The following THSD7B variants were observed in gnomAD, a reference collection of about 807,000 sequenced individuals.
THSD7B encodes thrombospondin type 1 domain containing 7B, also known as thrombospondin type-1 domain-containing protein 7B.
THSD7B carries 138 observed loss-of-function variants against 213.6 expected under a neutral mutation model. That is an observed-to-expected ratio of 0.65 (90% CI 0.56 to 0.74). THSD7B has a LOEUF of 0.74. Ranked by LOEUF, THSD7B falls within the 30% of genes least tolerant of loss-of-function variation. The probability of loss-of-function intolerance (pLI) is 0.00; values close to 1 mark genes in which losing one functional copy is unlikely to be tolerated. For synonymous variants in THSD7B, 742 were observed against 687.0 expected (o/e 1.08, Z -1.25); for missense variants, 1,931 against 1,991.5 (o/e 0.97, Z 0.58).
chr2:137,564,280 GAAACGTACTTTATTC>G (rs1206976395), intron 16 of THSD7B, among the ~76,000 whole-genome samples: 1 of 152,132 alleles, frequency 6.6e-6, no homozygotes, highest in Non-Finnish European at 1.5e-5. Context: ...CAACATCTGT[GAAACGTACTTTATTC>G]ATTAAAATCA....
intron 3 of THSD7B, among the ~76,000 whole-genome samples, chr2:137,063,445 T>C (rs1296059154): frequency 1.3e-5 from 2 of 152,106 alleles, no homozygotes; most frequent in African/African-American, 4.8e-5. Context: ...ATGAGATATT[T>C]TGATACAAGC....
chr2:137,604,250 A>T (rs1411546506), intron 17 of THSD7B, among the ~76,000 whole-genome samples: 1 of 152,212 alleles, frequency 6.6e-6, no homozygotes, highest in African/African-American at 2.4e-5. Flanking sequence ...TCAACTTTTT[A>T]AATAGTGAAA....
intron 15 of THSD7B, chr2:137,538,377 A>G: frequency 4.5e-6 from 2 of 440,782 alleles, no homozygotes; most frequent in Non-Finnish European, 8.8e-6. Context: ...TGATCAGGGG[A>G]AAGGATTTCT....
chr2:137,161,201 G>A (rs1010403950), intron 6 of THSD7B, among the ~76,000 whole-genome samples: 7 of 152,032 alleles, frequency 4.6e-5, no homozygotes, highest in East Asian at 1.9e-4. Flanking sequence ...ATCAAAATAC[G>A]TGTCTTCATC....
At chr2:136,777,529 T>G (rs1395383847) in intron 1 of THSD7B, among the ~76,000 whole-genome samples, 1 of 152,122 alleles carries the variant, frequency 6.6e-6, no homozygotes, top group Non-Finnish European at 1.5e-5. Context: ...CATTTTCCAG[T>G]CTCTATTTAT....
chr2:137,543,748 G>T (rs183895416), intron 15 of THSD7B, among the ~76,000 whole-genome samples: 23 of 151,694 alleles, frequency 1.5e-4, no homozygotes, highest in Admixed American at 1.2e-3. Context: ...GATAAATAAA[G>T]AACTCTTACA....
intron 12 of THSD7B, among the ~76,000 whole-genome samples, chr2:137,283,436 T>C (rs1274700529): frequency 3.9e-5 from 6 of 152,170 alleles, no homozygotes; most frequent in Non-Finnish European, 7.4e-5. Context: ...CAACACTATG[T>C]TGAATAGGAG....
chr2:136,977,801 G>GTTTT (rs56053958), intron 2 of THSD7B, among the ~76,000 whole-genome samples: 2 of 106,008 alleles, frequency 1.9e-5, no homozygotes, highest in African/African-American at 5.2e-5. Flanking sequence ...TCTTTTCTTT[G>GTTTT]TTTTTTTTTT....
At chr2:137,631,310 G>A (rs188815565) in intron 20 of THSD7B, among the ~76,000 whole-genome samples, 37 of 152,150 alleles carry the variant, frequency 2.4e-4, no homozygotes, top group African/African-American at 8.7e-4. Context: ...AGTTTAGTGG[G>A]ATGTAGAACT....
At chr2:137,179,499 C>A (rs1680415194) in intron 7 of THSD7B, among the ~76,000 whole-genome samples, 1 of 151,076 alleles carries the variant, frequency 6.6e-6, no homozygotes. Flanking sequence ...GCCAGTATGA[C>A]TAGAAAAGGA....
chr2:137,086,091 A>G lies in THSD7B; in HGVS notation c.951-8782A>G, dbSNP rs968295962. Among the ~76,000 whole-genome samples the G allele has an allele frequency of 3.9e-5, 6 of 152,164 alleles. No homozygotes were observed. The South Asian group carries it at 6.2e-4, about 16-fold the overall frequency. On this transcript the variant is annotated intron_variant, in intron 3 of 27. Transcript: ENST00000409968. ...GCTGGGTGCGGTGGCTTATGCCTGT[A>G]ATCCCAGCACTTTGGGAGGCCAAGG...
intron 2 of THSD7B, among the ~76,000 whole-genome samples, chr2:136,952,589 C>A (rs1685055795): frequency 6.6e-6 from 1 of 151,832 alleles, no homozygotes; most frequent in African/African-American, 2.4e-5. Flanking sequence ...TCTAACAGAC[C>A]CAAACCCACT....
chr2:137,611,506 A>T (rs1682288795), intron 17 of THSD7B, among the ~76,000 whole-genome samples: 1 of 152,124 alleles, frequency 6.6e-6, no homozygotes, highest in African/African-American at 2.4e-5. Context: ...ATAATAATAT[A>T]TCTACCTTAT....
At chr2:137,023,061 C>T (rs1310279527) in intron 2 of THSD7B, among the ~76,000 whole-genome samples, 1 of 152,046 alleles carries the variant, frequency 6.6e-6, no homozygotes, top group African/African-American at 2.4e-5. Context: ...AAATATGCTG[C>T]AGTCAAGAAA....
intron 12 of THSD7B, among the ~76,000 whole-genome samples, chr2:137,299,954 G>T (rs1683561678): frequency 6.6e-6 from 1 of 151,900 alleles, no homozygotes; most frequent in South Asian, 2.1e-4. Context: ...TCTCAATTAG[G>T]CAATAAAGTA....
Position 136,765,557 on chromosome 2 carries a change from C to A in THSD7B, c.-166C>A, listed in dbSNP as rs1681370737. 1 of 129,560 alleles carries A rather than the reference C, an allele frequency of 7.7e-6. No homozygotes were observed. 8.0% of individuals were successfully genotyped at this position (129,560 alleles called of 1,614,324 possible). A position where few individuals can be genotyped will look rare whatever the true frequency, so the allele number is the denominator to read the frequency against. The stretch of plus-strand genomic sequence containing the variant: ...CTCCTCCTCCTTCAGTGCTGAGGAG[C>A]CAGAGTCGCCGCCGGGTTGCCAGAC... On this transcript the variant is annotated 5_prime_UTR_variant, in exon 1 of 28. Coordinates refer to ENST00000409968, the MANE Select transcript of THSD7B (RefSeq NM_001316349.2).
intron 12 of THSD7B, among the ~76,000 whole-genome samples, chr2:137,320,347 T>A (rs1022058943): frequency 7.9e-5 from 12 of 152,194 alleles, no homozygotes; most frequent in Admixed American, 1.3e-4. Context: ...GCATACTGTG[T>A]CATACTTATC....
intron 15 of THSD7B, among the ~76,000 whole-genome samples, chr2:137,461,471 T>C (rs16838960): frequency 0.028 from 4,321 of 152,184 alleles, 205 homozygotes; most frequent in African/African-American, 0.098. Flanking sequence ...TCCTGAGTCA[T>C]ATATCTTGTC....
intron 20 of THSD7B, among the ~76,000 whole-genome samples, chr2:137,638,338 G>A (rs1040837263): frequency 6.6e-6 from 1 of 151,994 alleles, no homozygotes; most frequent in Non-Finnish European, 1.5e-5. Flanking sequence ...AGATATGATG[G>A]GTTTATCAGG....
Sources: allele counts gnomAD v4.1 joint callset (sites outside exome capture counted in the v4.1 genomes callset), GRCh38; gene constraint gnomAD v4.1.1; transcripts MANE v1.5; gene names NCBI Gene and HGNC (gene_info 2026-07-23, HGNC 2026-07-21).